The following PXDNL variants were observed in gnomAD, a reference collection of about 807,000 sequenced individuals.
The protein encoded by PXDNL is probable oxidoreductase PXDNL.
Under a neutral mutation model 150.8 loss-of-function variants are expected in PXDNL, and 145 were observed. The observed-to-expected ratio is 0.96, with a 90% CI of 0.84 to 1.10. PXDNL has a LOEUF of 1.10. Among genes scored for constraint, PXDNL ranks in the 50% least tolerant of loss-of-function variants. The probability of loss-of-function intolerance (pLI) is 0.00; values close to 1 mark genes in which losing one functional copy is unlikely to be tolerated. For synonymous variants in PXDNL, 757 were observed against 725.7 expected (o/e 1.04, Z -0.69); for missense variants, 2,087 against 1,873.9 (o/e 1.11, Z -2.10).
chr8:51,520,778 G>A (rs1481645626), intron 4 of PXDNL, among the ~76,000 whole-genome samples: 1 of 150,654 alleles, frequency 6.6e-6, no homozygotes, highest in Non-Finnish European at 1.5e-5. Flanking sequence ...CTGCTGCCTT[G>A]CTCAACACTC....
intron 3 of PXDNL, among the ~76,000 whole-genome samples, chr8:51,586,899 A>C (rs1707791841): frequency 6.6e-6 from 1 of 152,218 alleles, no homozygotes; most frequent in Admixed American, 6.5e-5. Context: ...AACCATGGCC[A>C]GAAACAGAAT....
Position 51,727,910 on chromosome 8 carries a change from T to C in PXDNL, c.165-73150A>G, listed in dbSNP as rs115026838. ...AATTGTTCTTTGTTTAAATAGATTCTGTTAAATTTATTTTCTCTAAAGTTT... is the reference window on the plus strand; with the variant it reads ...AATTGTTCTTTGTTTAAATAGATTCCGTTAAATTTATTTTCTCTAAAGTTT... On this transcript the variant is annotated intron_variant, in intron 1 of 22. Transcript: ENST00000356297. 3.6e-3 allele frequency among the ~76,000 whole-genome samples: 549 copies of C among 152,388 alleles called. 5 individuals are homozygous for C. Among genetic ancestry groups the C allele is most frequent in the African/African-American group, 0.013 (520 of 41,600 alleles).
intron 2 of PXDNL, among the ~76,000 whole-genome samples, chr8:51,639,010 G>C (rs766613441): frequency 6.6e-6 from 1 of 152,026 alleles, no homozygotes; most frequent in Non-Finnish European, 1.5e-5. Context: ...TCTCTCAGAC[G>C]ACAGTACAAT....
At chr8:51,338,404 GC>G in intron 21 of PXDNL, among the ~76,000 whole-genome samples, 1 of 152,262 alleles carries the variant, frequency 6.6e-6, no homozygotes, top group Non-Finnish European at 1.5e-5. Flanking sequence ...ATTTTAAGGG[GC>G]TTGTAGTTCA....
chr8:51,692,084 T>A (rs1218971223), intron 1 of PXDNL, among the ~76,000 whole-genome samples: 1 of 152,196 alleles, frequency 6.6e-6, no homozygotes, highest in Non-Finnish European at 1.5e-5. Context: ...GCCATCCCTC[T>A]CCATCCCCTC....
intron 4 of PXDNL, among the ~76,000 whole-genome samples, chr8:51,501,009 A>G (rs1811165706): frequency 1.3e-5 from 2 of 152,200 alleles, no homozygotes; most frequent in African/African-American, 4.8e-5. Context: ...GAAAAAGTAT[A>G]ATAATCACAA....
intron 1 of PXDNL, among the ~76,000 whole-genome samples, chr8:51,715,950 A>C (rs1816608847): frequency 1.3e-5 from 2 of 152,226 alleles, no homozygotes; most frequent in Admixed American, 1.3e-4. Context: ...AGAATCTTAC[A>C]ATATGCAAAT....
intron 19 of PXDNL, among the ~76,000 whole-genome samples, chr8:51,347,532 T>G (rs569445295): frequency 3.9e-4 from 60 of 152,222 alleles, no homozygotes; most frequent in Admixed American, 5.2e-4. Flanking sequence ...ACTTCTACCT[T>G]TTGTTTTCAA....
At chr8:51,522,988 T>TTACC (rs1210344198) in intron 4 of PXDNL, among the ~76,000 whole-genome samples, 1 of 152,186 alleles carries the variant, frequency 6.6e-6, no homozygotes, top group East Asian at 1.9e-4. Flanking sequence ...AGAGATGGAA[T>TTACC]TACCTACAAC....
At chr8:51,331,293 T>C (rs2130643725) in intron 21 of PXDNL, among the ~76,000 whole-genome samples, 1 of 152,250 alleles carries the variant, frequency 6.6e-6, no homozygotes, top group Middle Eastern at 3.4e-3. Context: ...CCAAGTGAAA[T>C]ACAGGGGTGG....
intron 19 of PXDNL, among the ~76,000 whole-genome samples, chr8:51,369,266 A>C (rs535798769): frequency 6.6e-6 from 1 of 152,298 alleles, no homozygotes; most frequent in Non-Finnish European, 1.5e-5. Flanking sequence ...AACTCAGACC[A>C]TTAAAATGTA....
At chr8:51,798,454 C>A (rs1320482097) in intron 1 of PXDNL, among the ~76,000 whole-genome samples, 2 of 152,078 alleles carry the variant, frequency 1.3e-5, no homozygotes, top group African/African-American at 4.8e-5. Context: ...GCCTAATATC[C>A]AAAATCTGCA....
intron 2 of PXDNL, among the ~76,000 whole-genome samples, chr8:51,597,450 T>C (rs1396620899): frequency 6.6e-6 from 1 of 152,220 alleles, no homozygotes; most frequent in African/African-American, 2.4e-5. Context: ...ACTACACTGG[T>C]ACTTTGCTAG....
In PXDNL at chr8:51,409,559, A is replaced by C; in HGVS notation, c.2065T>G (p.Phe689Val). 2 of 1,562,148 alleles carry C rather than the reference A, an allele frequency of 1.3e-6. No homozygotes were observed. The highest frequency in any genetic ancestry group is 1.7e-6 in the Non-Finnish European group (2 of 1,152,000). ...GGGGACACCAAGTCATTGTACCGGA[A>C]TTCTGAAAGGCAAGCGGCGAAAGCC... Reference protein sequence around the residue: ...GLTVDLEGKEFRYNDLVSPRS... With the variant: ...GLTVDLEGKEVRYNDLVSPRS... Residue 689 changes from phenylalanine to valine, a missense_variant and splice_region_variant, in exon 17 of 23, where the codon TTC becomes GTC. Transcript: ENST00000356297.
At chr8:51,643,121 G>T (rs1814811611) in intron 2 of PXDNL, among the ~76,000 whole-genome samples, 1 of 152,098 alleles carries the variant, frequency 6.6e-6, no homozygotes, top group Admixed American at 6.6e-5. Flanking sequence ...TACTGCCCAA[G>T]GTAATTTATA....
In PXDNL at chr8:51,475,063, G is replaced by C; in HGVS notation, c.603C>G (p.His201Gln). The C allele has an allele frequency of 6.2e-7, 1 of 1,613,796 alleles. No individual in the cohort carries two copies. The highest frequency in any genetic ancestry group is 8.5e-7 in the Non-Finnish European group (1 of 1,179,840). The stretch of plus-strand genomic sequence containing the variant: ...AGGTAGCCGCAGCCTGGGTGTGGCC[G>C]TGTTGGGCAAAGCCTTGTAAAAGCT... ...LGELLQGFAQ[H>Q]GHTQAAATCE... The change falls in exon 7 of 23, where the codon CAC becomes CAG. Residue 201 changes from histidine to glutamine, a missense_variant. By Grantham distance (24) the His-to-Gln change is conservative (BLOSUM62 0). Transcript: ENST00000356297.
intron 1 of PXDNL, among the ~76,000 whole-genome samples, chr8:51,718,864 C>A (rs542451489): frequency 6.6e-6 from 1 of 152,170 alleles, no homozygotes; most frequent in Non-Finnish European, 1.5e-5. Flanking sequence ...TTTCAATTCA[C>A]CAGGATCCTG....
chr8:51,527,066 G>A (rs1353647820), intron 4 of PXDNL, among the ~76,000 whole-genome samples: 3 of 152,062 alleles, frequency 2.0e-5, no homozygotes, highest in Non-Finnish European at 4.4e-5. Flanking sequence ...TCTTCAATTT[G>A]ACTCATTTTT....
chr8:51,769,565 A>G (rs1012738955), intron 1 of PXDNL, among the ~76,000 whole-genome samples: 5 of 152,174 alleles, frequency 3.3e-5, no homozygotes, highest in African/African-American at 7.2e-5. Context: ...TCATTCTTCA[A>G]TGATGCCCTT....
Sources: gnomAD v4.1 joint callset for allele counts (sites outside exome capture counted in the v4.1 genomes callset) on GRCh38, gnomAD v4.1.1 for gene constraint, MANE v1.5 for transcripts, NCBI Gene and HGNC (gene_info 2026-07-23, HGNC 2026-07-21) for gene names.